Variants in NRXN1 observed in about 807,000 individuals in gnomAD.
NRXN1 encodes neurexin-1.
NRXN1 carries 39 observed loss-of-function variants against 150.9 expected under a neutral mutation model. The observed-to-expected ratio is 0.26, with a 90% CI of 0.20 to 0.34. The LOEUF (loss-of-function observed/expected upper bound fraction) is 0.34, where lower values mean the gene tolerates loss of function less well. Among genes scored for constraint, NRXN1 ranks in the 10% least tolerant of loss-of-function variants. The probability of loss-of-function intolerance (pLI) is 1.00; values close to 1 mark genes in which losing one functional copy is unlikely to be tolerated. For missense variants in NRXN1, 1,815 were observed against 1,949.9 expected (o/e 0.93, Z 1.30); for synonymous variants, 924 against 757.0 (o/e 1.22, Z -3.62).
intron 22 of NRXN1, among the ~76,000 whole-genome samples, chr2:49,940,825 C>G (rs1014290343): frequency 1.3e-5 from 2 of 152,132 alleles, no homozygotes; most frequent in African/African-American, 4.8e-5. Flanking sequence ...CATATATTAT[C>G]AAGACCGGGG....
chr2:50,268,957 G>A (rs1162025037), intron 17 of NRXN1, among the ~76,000 whole-genome samples: 2 of 152,162 alleles, frequency 1.3e-5, no homozygotes, highest in African/African-American at 4.8e-5. Context: ...CTAGACAGGT[G>A]AGTAATGCCA....
chr2:50,302,844 C>T (rs1715993), intron 17 of NRXN1, among the ~76,000 whole-genome samples: 9 of 151,828 alleles, frequency 5.9e-5, no homozygotes, highest in Admixed American at 3.9e-4. Context: ...ATAACAGTTC[C>T]GAATTTGTTG....
intron 5 of NRXN1, among the ~76,000 whole-genome samples, chr2:50,781,603 G>A (rs114885734): frequency 1.8e-3 from 278 of 152,286 alleles, no homozygotes; most frequent in African/African-American, 6.0e-3. Context: ...AAATAAAAAC[G>A]TAGCTTCTGG....
intron 17 of NRXN1, among the ~76,000 whole-genome samples, chr2:50,286,980 T>A (rs2152939087): frequency 6.6e-6 from 1 of 152,196 alleles, no homozygotes; most frequent in Non-Finnish European, 1.5e-5. Flanking sequence ...CATTTAAGTG[T>A]AAATTATTGA....
intron 13 of NRXN1, among the ~76,000 whole-genome samples, chr2:50,505,879 G>A (rs1255477877): frequency 6.6e-6 from 1 of 152,134 alleles, no homozygotes; most frequent in Non-Finnish European, 1.5e-5. Context: ...TGTTTTCAAA[G>A]TAAATAAAGG....
intron 17 of NRXN1, among the ~76,000 whole-genome samples, chr2:50,412,380 C>G (rs1474867811): frequency 2.6e-5 from 4 of 151,536 alleles, no homozygotes; most frequent in Admixed American, 6.6e-5. Flanking sequence ...AGACATAATT[C>G]TCTCCCTTTT....
intron 21 of NRXN1, among the ~76,000 whole-genome samples, chr2:50,019,947 C>CAAAAAAAAAAAAAAAAA (rs1161865745): frequency 6.9e-5 from 3 of 43,358 alleles, no homozygotes; most frequent in Non-Finnish European, 9.8e-5. Context: ...GACTCCGTCT[C>CAAAAAAAAAAAAAAAAA]AAAAAAAAAA....
intron 18 of NRXN1, among the ~76,000 whole-genome samples, chr2:50,130,624 A>G (rs1007781533): frequency 6.6e-6 from 1 of 152,338 alleles, no homozygotes; most frequent in Middle Eastern, 3.4e-3. Flanking sequence ...AAACAAACAA[A>G]CAACATCCCA....
chr2:50,206,864 C>T (rs1236683135), intron 18 of NRXN1, among the ~76,000 whole-genome samples: 1 of 149,580 alleles, frequency 6.7e-6, no homozygotes, highest in African/African-American at 2.5e-5. Flanking sequence ...TATATACACA[C>T]ACACACAGAA....
intron 17 of NRXN1, among the ~76,000 whole-genome samples, chr2:50,307,839 G>C (rs1304552642): frequency 3.3e-5 from 5 of 151,932 alleles, no homozygotes; most frequent in East Asian, 1.9e-4. Context: ...ATGAACACTA[G>C]AAAAAAAGAA....
intron 19 of NRXN1, among the ~76,000 whole-genome samples, chr2:50,068,976 T>G (rs915932991): frequency 5.3e-5 from 8 of 152,126 alleles, no homozygotes; most frequent in Non-Finnish European, 7.3e-5. Context: ...CATGCTACTT[T>G]TAAGTCAATG....
intron 5 of NRXN1, among the ~76,000 whole-genome samples, chr2:50,660,862 C>G (rs1687196920): frequency 6.6e-6 from 1 of 152,022 alleles, no homozygotes; most frequent in Non-Finnish European, 1.5e-5. Context: ...GCACTGATCT[C>G]AGATTTGGAT....
intron 5 of NRXN1, among the ~76,000 whole-genome samples, chr2:50,795,694 C>T (rs984772968): frequency 6.6e-6 from 1 of 152,122 alleles, no homozygotes; most frequent in Non-Finnish European, 1.5e-5. Context: ...CACAATTCTC[C>T]TCCATGTGGA....
Position 50,530,903 on chromosome 2 carries a change from T to G in NRXN1, c.2347+324A>C, listed in dbSNP as rs546193671. ...CACCTACAACCGATCCAAATGTCAG[T>G]GAATATATCAACAGAAAATTCAGCT... On this transcript the variant is annotated intron_variant, in intron 11 of 22. Transcript: ENST00000401669. 2.1e-4 allele frequency among the ~76,000 whole-genome samples: 32 copies of G among 152,320 alleles called. 2 individuals are homozygous for G. The South Asian group carries it at 6.6e-3, about 32-fold the overall frequency.
chr2:50,182,708 T>G (rs914892452), intron 18 of NRXN1, among the ~76,000 whole-genome samples: 1 of 152,046 alleles, frequency 6.6e-6, no homozygotes, highest in Admixed American at 6.6e-5. Context: ...ATGAATATTA[T>G]ACAGGGAGAT....
intron 17 of NRXN1, among the ~76,000 whole-genome samples, chr2:50,284,596 T>C (rs1426040418): frequency 1.3e-5 from 2 of 152,260 alleles, no homozygotes; most frequent in South Asian, 2.1e-4. Flanking sequence ...ACAGAATATA[T>C]TGTAGTCAGT....
chr2:50,096,490 A>G (rs1011620425), intron 18 of NRXN1, among the ~76,000 whole-genome samples: 3 of 152,158 alleles, frequency 2.0e-5, no homozygotes, highest in African/African-American at 7.2e-5. Flanking sequence ...ATTAAATATG[A>G]TTGTCTTGGC....
intron 17 of NRXN1, among the ~76,000 whole-genome samples, chr2:50,428,203 C>T (rs909723063): frequency 6.6e-6 from 1 of 152,068 alleles, no homozygotes; most frequent in Non-Finnish European, 1.5e-5. Flanking sequence ...CACTTGAGTC[C>T]AGGAGTTCAA....
At chr2:50,114,347 C>A (rs1702752938) in intron 18 of NRXN1, among the ~76,000 whole-genome samples, 1 of 152,076 alleles carries the variant, frequency 6.6e-6, no homozygotes, top group Non-Finnish European at 1.5e-5. Flanking sequence ...AAACCTGGGA[C>A]ACTGACAACA....
Sources: allele counts gnomAD v4.1 joint callset (sites outside exome capture counted in the v4.1 genomes callset), GRCh38; gene constraint gnomAD v4.1.1; transcripts MANE v1.5; gene names NCBI Gene and HGNC (gene_info 2026-07-23, HGNC 2026-07-21).